LCK: variants seen among roughly 807,000 people sequenced by gnomAD.
The protein encoded by LCK is tyrosine-protein kinase Lck.
A neutral mutation model predicts 64.6 loss-of-function variants in LCK; 14 were observed. That is an observed-to-expected ratio of 0.22 (90% CI 0.14 to 0.34). LCK has a LOEUF of 0.34. LCK is among the 10% of genes least tolerant of loss of function. The probability of loss-of-function intolerance (pLI) is 1.00; values close to 1 mark genes in which losing one functional copy is unlikely to be tolerated. For missense variants in LCK, 434 were observed against 668.1 expected, an observed-to-expected ratio of 0.65 and a Z score of 3.86; for synonymous variants, 277 against 263.6, an observed-to-expected ratio of 1.05 and a Z score of -0.49.
chr1:32,256,697 A>C (rs1003333453), intron 1 of LCK, among the ~76,000 whole-genome samples: 2 of 152,242 alleles, frequency 1.3e-5, no homozygotes, highest in African/African-American at 4.8e-5. Flanking sequence ...CACCCATTAC[A>C]TTTTTGTCAA....
At chr1:32,280,050 C>T in intron 11 of LCK, 29 bp from the exon 12 acceptor site, 1 of 1,614,072 alleles carries the variant, frequency 6.2e-7, no homozygotes. Context: ...CAAGCAGACC[C>T]AGGTGACCTC....
intron 1 of LCK, chr1:32,273,972 G>A (rs1219152539): frequency 9.0e-6 from 3 of 334,402 alleles, no homozygotes; most frequent in Non-Finnish European, 1.7e-5. Context: ...ATCTCTAGGA[G>A]GTGGTCCTCC....
rs1019082376 is a variant in LCK at position 32,251,894 on chromosome 1, A to G, written c.-6+523A>G. Among the ~76,000 whole-genome samples, 2 of 132,232 alleles carry G rather than the reference A, an allele frequency of 1.5e-5. No homozygotes were observed. The highest frequency in any genetic ancestry group is 2.8e-5 in the African/African-American group (1 of 35,128). The allele number at this position is 132,232 out of a possible 152,430, so 86.7% of individuals were successfully genotyped here. A position where few individuals can be genotyped will look rare whatever the true frequency, so the allele number is the denominator to read the frequency against. On this transcript the variant is annotated intron_variant, in intron 1 of 12. Transcript: ENST00000336890. This position sits in a 1 kb window ranked among gnomAD's most constrained non-coding sequence, Gnocchi z 4.0. ...CCCCAGTGACAAGAATCTCCTGAGA[A>G]AGAGAGAGAGAGAGAGAGAGAGAGA... is the stretch of plus-strand genomic sequence containing the variant.
chr1:32,272,474 A>G (rs1213807766), intron 1 of LCK, among the ~76,000 whole-genome samples: 1 of 151,798 alleles, frequency 6.6e-6, no homozygotes, highest in African/African-American at 2.4e-5. Context: ...AGTCTCAGCT[A>G]CTGGGGAGGT....
In LCK at chr1:32,279,682, G is replaced by A; in HGVS notation, c.976G>A (p.Asp326Asn). The change falls in exon 10 of 13, where the codon GAT (aspartate) becomes AAT (asparagine). Residue 326 changes from aspartate to asparagine, a missense_variant. By Grantham distance (23) the Asp-to-Asn change is conservative. Transcript: ENST00000336890. ...TEYMENGSLV[D>N]FLKTPSGIKL... Reference sequence around the variant, plus strand: ...GCTTCTGCCCACAGGGAGTCTAGTGGATTTTCTCAAGACCCCTTCAGGCAT... The same window carrying A: ...GCTTCTGCCCACAGGGAGTCTAGTGAATTTTCTCAAGACCCCTTCAGGCAT... 5 of 1,613,992 alleles carry A rather than the reference G, an allele frequency of 3.1e-6. No individual in the cohort carries two copies. The highest frequency in any genetic ancestry group is 4.2e-6 in the Non-Finnish European group (5 of 1,179,916).
chr1:32,285,301 C>CAA (rs200263186), intron 12 of LCK, among the ~76,000 whole-genome samples: 9 of 149,734 alleles, frequency 6.0e-5, no homozygotes, highest in African/African-American at 2.0e-4. Context: ...AATTGCATCT[C>CAA]AAAAAAAAAG....
In LCK at chr1:32,275,423, A is replaced by C. The variant is rs1640230235; in HGVS notation, c.377+4A>C. 1 of 1,613,858 alleles carries C rather than the reference A, an allele frequency of 6.2e-7. No individual in the cohort carries two copies. The highest frequency in any genetic ancestry group is 1.3e-5 in the African/African-American group (1 of 75,006). On this transcript the variant is annotated splice_donor_region_variant and intron_variant, in intron 5 of 12. Coordinates refer to ENST00000336890, the MANE Select transcript of LCK (RefSeq NM_005356.5). This position sits in a 1 kb window ranked among gnomAD's most constrained non-coding sequence, Gnocchi z 6.9. ...CGAACAGCCTGGAGCCCGAACCGTA[A>C]GTGGGGACCCGTCGTGGGGGTGGGT... is the stretch of plus-strand genomic sequence containing the variant.
intron 1 of LCK, among the ~76,000 whole-genome samples, chr1:32,253,911 G>A (rs941164058): frequency 9.9e-5 from 15 of 151,956 alleles, no homozygotes; most frequent in South Asian, 6.2e-4. Flanking sequence ...GAAAATCTAC[G>A]TGTACAGATG....
At position 32,283,145 on chromosome 1, in the gene LCK, C is replaced by T. The variant is rs1039571463; in HGVS notation, c.1328-2369C>T. On this transcript the variant is annotated intron_variant, in intron 12 of 12. Coordinates refer to ENST00000336890, the MANE Select transcript of LCK (RefSeq NM_005356.5). ...CTCTACTAAAAATACAAAAATTAACCGGGTGTGGTGGCATGCACCTGTAGT... is the reference window on the plus strand; with the variant it reads ...CTCTACTAAAAATACAAAAATTAACTGGGTGTGGTGGCATGCACCTGTAGT... Among the ~76,000 whole-genome samples, 10 of 151,920 alleles carry T rather than the reference C, an allele frequency of 6.6e-5. No homozygotes were observed. The East Asian group carries it at 1.7e-3, about 26-fold the overall frequency.
chr1:32,262,881 A>C (rs1030072828), intron 1 of LCK, among the ~76,000 whole-genome samples: 36 of 151,862 alleles, frequency 2.4e-4, no homozygotes, highest in African/African-American at 8.2e-4. Context: ...AAAAAAAAAA[A>C]AAAAAACAGA....
intron 2 of LCK, 74 bp downstream of exon 2, chr1:32,274,508 A>T: frequency 1.6e-6 from 2 of 1,241,892 alleles, no homozygotes; most frequent in South Asian, 2.8e-5. Flanking sequence ...AATGACCAGC[A>T]CTACAGGCCC....
intron 12 of LCK, among the ~76,000 whole-genome samples, chr1:32,282,692 G>A (rs970246179): frequency 6.6e-6 from 1 of 151,926 alleles, no homozygotes; most frequent in African/African-American, 2.4e-5. Flanking sequence ...GGTAGTCCCA[G>A]CCACTCAAGA....
At chr1:32,255,800 ATT>A (rs58539932) in intron 1 of LCK, among the ~76,000 whole-genome samples, 111 of 133,390 alleles carry the variant, frequency 8.3e-4, no homozygotes, top group East Asian at 5.7e-3. Context: ...CATTAAATTT[ATT>A]TTTTTTTTTT....
At chr1:32,253,162 T>A (rs1352263536) in intron 1 of LCK, among the ~76,000 whole-genome samples, 1 of 152,128 alleles carries the variant, frequency 6.6e-6, no homozygotes, top group Non-Finnish European at 1.5e-5. Flanking sequence ...GGCCAGGAGC[T>A]TGAGACCAGG....
intron 12 of LCK, among the ~76,000 whole-genome samples, chr1:32,284,297 TATATATATATCTGTGAGAG>T (rs1467633710): frequency 6.7e-6 from 1 of 148,368 alleles, no homozygotes; most frequent in Non-Finnish European, 1.5e-5. Flanking sequence ...ATCTGTGAGA[TATATATATATCTGTGAGAG>T]ATATATATAT....
chr1:32,266,352 G>A (rs971256752), intron 1 of LCK, among the ~76,000 whole-genome samples: 33 of 151,450 alleles, frequency 2.2e-4, no homozygotes, highest in African/African-American at 7.5e-4. Context: ...AAAAAAAATA[G>A]CCGGGCACAG....
chr1:32,258,423 A>G (rs1015003011), intron 1 of LCK, among the ~76,000 whole-genome samples: 4 of 149,556 alleles, frequency 2.7e-5, no homozygotes, highest in African/African-American at 7.4e-5. Flanking sequence ...AGCTACAATC[A>G]TGTGCTGTAC....
At position 32,254,364 on chromosome 1, in the gene LCK, C is replaced by CA. The variant is rs1374725048; in HGVS notation, c.-6+2999dup. Among the ~76,000 whole-genome samples the CA allele has an allele frequency of 2.6e-5, 4 of 152,152 alleles. 1 individual carries two copies. Among genetic ancestry groups the CA allele is most frequent in the Admixed American group, 2.6e-4 (4 of 15,274 alleles). ...TGAATCCCCATCTCCACTAAAAATA[C>CA]AAAAAATTAGCCAGGCATGGTGGTG... On this transcript the variant is annotated intron_variant, in intron 1 of 12. Coordinates refer to ENST00000336890, the MANE Select transcript of LCK (RefSeq NM_005356.5).
chr1:32,278,046 G>A (rs1300726908), intron 9 of LCK, among the ~76,000 whole-genome samples: 2 of 152,148 alleles, frequency 1.3e-5, no homozygotes, highest in African/African-American at 4.8e-5. Flanking sequence ...GGGCATAGTG[G>A]TGTATGCCTG....
Sources: allele counts gnomAD v4.1 joint callset (sites outside exome capture counted in the v4.1 genomes callset), GRCh38; gene constraint gnomAD v4.1.1; non-coding constraint Gnocchi (gnomAD v3.1); transcripts MANE v1.5; gene names NCBI Gene and HGNC (gene_info 2026-07-23, HGNC 2026-07-21).